The following NOX3 variants were observed in gnomAD, a reference collection of about 807,000 sequenced individuals.
NOX3 encodes the protein NADPH oxidase 3.
In NOX3, 74 loss-of-function variants were observed where a neutral mutation model predicts 76.7. The observed-to-expected ratio is 0.96, with a 90% CI of 0.80 to 1.17. The LOEUF is 1.17. Among genes scored for constraint, NOX3 ranks in the 50% most tolerant of loss-of-function variants. The pLI is 0.00. For synonymous variants in NOX3, 263 were observed against 261.1 expected, an observed-to-expected ratio of 1.01 and a Z score of -0.07; for missense variants, 695 against 703.3, an observed-to-expected ratio of 0.99 and a Z score of 0.13.
intron 11 of NOX3, among the ~76,000 whole-genome samples, chr6:155,410,575 A>G (rs1186271957): frequency 6.6e-6 from 1 of 152,208 alleles, no homozygotes; most frequent in East Asian, 1.9e-4. Context: ...CATAGTCAAT[A>G]TTTTGGTATA....
At chr6:155,407,684 T>G (rs1202283673) in intron 11 of NOX3, among the ~76,000 whole-genome samples, 1 of 152,192 alleles carries the variant, frequency 6.6e-6, no homozygotes, top group South Asian at 2.1e-4. Context: ...CATTGCCAGA[T>G]TAAAGTGGTA....
chr6:155,426,037 A>G (rs1486517331), intron 9 of NOX3, among the ~76,000 whole-genome samples: 1 of 152,228 alleles, frequency 6.6e-6, no homozygotes, highest in Non-Finnish European at 1.5e-5. Context: ...TGCTCTCCCC[A>G]ATATGATTTA....
chr6:155,443,244 G>A (rs774009233), intron 5 of NOX3, 29 bp downstream of exon 5: 152 of 1,599,538 alleles, frequency 9.5e-5, no homozygotes, highest in Non-Finnish European at 1.2e-4. Context: ...TTTTTCAGGG[G>A]AGAAGCTTGT....
intron 10 of NOX3, among the ~76,000 whole-genome samples, chr6:155,411,591 T>C (rs569107330): frequency 6.6e-6 from 1 of 152,328 alleles, no homozygotes; most frequent in Non-Finnish European, 1.5e-5. Context: ...CAGGAGCCTG[T>C]GGGCCGTGCC....
At chr6:155,423,743 C>CTTTTTTTTTTTTT (rs528445827) in intron 9 of NOX3, among the ~76,000 whole-genome samples, 1 of 137,542 alleles carries the variant, frequency 7.3e-6, no homozygotes. Flanking sequence ...TTTTCTTTTT[C>CTTTTTTTTTTTTT]TTTTTTTTTT....
chr6:155,400,713 A>G (rs1383585061), intron 12 of NOX3, among the ~76,000 whole-genome samples: 1 of 150,978 alleles, frequency 6.6e-6, no homozygotes, highest in African/African-American at 2.4e-5. Flanking sequence ...TCTGTGTCCT[A>G]ATTACTCAGT....
At position 155,396,826 on chromosome 6, in the gene NOX3, C is replaced by T. The variant is rs1446720540; in HGVS notation, c.*10G>A. The T allele has an allele frequency of 5.6e-6, 9 of 1,604,968 alleles. No homozygotes were observed. Among genetic ancestry groups the T allele is most frequent in the Non-Finnish European group, 7.7e-6 (9 of 1,175,366 alleles). ...CCACTTACACAATGCCTGGACTTGA[C>T]CTCCAAAGTCTAGAAGCTCTCCTTG... On this transcript the variant is annotated 3_prime_UTR_variant, in exon 13 of 14. Transcript: ENST00000159060.
At chr6:155,446,403 C>T (rs1777065413) in intron 4 of NOX3, among the ~76,000 whole-genome samples, 1 of 152,078 alleles carries the variant, frequency 6.6e-6, no homozygotes, top group Admixed American at 6.5e-5. Flanking sequence ...CGTCTCATAG[C>T]AAACATATTG....
intron 10 of NOX3, 100 bp from the exon 11 acceptor site, chr6:155,411,460 G>A (rs2114681144): frequency 9.0e-7 from 1 of 1,112,514 alleles, no homozygotes; most frequent in Non-Finnish European, 1.2e-6. Context: ...AGCCCAAATG[G>A]GCACTTCTGC....
chr6:155,410,122 AG>A (rs1776521725), intron 11 of NOX3, among the ~76,000 whole-genome samples: 1 of 152,240 alleles, frequency 6.6e-6, no homozygotes, highest in Non-Finnish European at 1.5e-5. Context: ...TAATTCATTA[AG>A]ATGTTTCAAG....
intron 11 of NOX3, among the ~76,000 whole-genome samples, chr6:155,409,842 C>A (rs922535376): frequency 6.6e-6 from 1 of 152,158 alleles, no homozygotes; most frequent in Admixed American, 6.5e-5. Flanking sequence ...ATAGCATATT[C>A]TTGGAAGTAG....
intron 12 of NOX3, among the ~76,000 whole-genome samples, chr6:155,405,173 T>C (rs769409511): frequency 5.9e-5 from 9 of 152,130 alleles, no homozygotes; most frequent in Non-Finnish European, 1.2e-4. Context: ...GACTGAGGCT[T>C]TGAAGGATGC....
intron 10 of NOX3, among the ~76,000 whole-genome samples, chr6:155,422,271 A>C (rs1048291204): frequency 6.6e-6 from 1 of 152,168 alleles, no homozygotes; most frequent in Non-Finnish European, 1.5e-5. Flanking sequence ...CGGCCAATAA[A>C]TCCCAATTGT....
Position 155,441,115 on chromosome 6 carries a change from A to T in NOX3, c.487-978T>A, listed in dbSNP as rs182840034. Among the ~76,000 whole-genome samples, 8 of 152,350 alleles carry T rather than the reference A, an allele frequency of 5.3e-5. No individual in the cohort carries two copies. In the East Asian group the frequency reaches 1.3e-3, roughly 26 times the overall value. The stretch of plus-strand genomic sequence containing the variant: ...CAGTAAAATAGCCTTTTAGAATAGC[A>T]TCACACAGCAGTTTATTTTCATTGT... On this transcript the variant is annotated intron_variant, in intron 5 of 13. Coordinates refer to ENST00000159060, the MANE Select transcript of NOX3 (RefSeq NM_015718.3).
rs775832421 is a variant in NOX3, at chr6:155,422,644, A to G, written c.1308+50T>C. ...GAATCGGCAGATGATAGATATAAGG[A>G]CATTGAACCTTTTAATCCATGGAAG... On this transcript the variant is annotated intron_variant, in intron 10 of 13. Coordinates refer to ENST00000159060, the MANE Select transcript of NOX3 (RefSeq NM_015718.3). 8.3e-6 allele frequency: 13 copies of G among 1,564,182 alleles called. No homozygotes were observed. In the East Asian group the frequency reaches 2.5e-4, roughly 30 times the overall value.
At chr6:155,429,144 G>A in intron 8 of NOX3, 97 bp from the exon 9 acceptor site, 3 of 1,232,344 alleles carry the variant, frequency 2.4e-6, no homozygotes, top group Non-Finnish European at 3.3e-6. Flanking sequence ...AGATCAGCTT[G>A]TTTCAGGTGT....
intron 10 of NOX3, among the ~76,000 whole-genome samples, chr6:155,421,345 A>G (rs1390817675): frequency 2.0e-5 from 3 of 152,190 alleles, no homozygotes; most frequent in Admixed American, 1.3e-4. Flanking sequence ...AAAAATTCAA[A>G]TGAGAAAATG....
At chr6:155,433,597 C>T (rs2114697902) in intron 7 of NOX3, among the ~76,000 whole-genome samples, 1 of 152,248 alleles carries the variant, frequency 6.6e-6, no homozygotes, top group Non-Finnish European at 1.5e-5. Context: ...AACACTTTGG[C>T]TTTATTCACA....
intron 12 of NOX3, among the ~76,000 whole-genome samples, chr6:155,398,246 T>A (rs1779165497): frequency 6.6e-6 from 1 of 152,168 alleles, no homozygotes; most frequent in South Asian, 2.1e-4. Context: ...AAGGAATGCA[T>A]GTTTAGTGAG....
Sources: allele counts gnomAD v4.1 joint callset (sites outside exome capture counted in the v4.1 genomes callset), GRCh38; gene constraint gnomAD v4.1.1; transcripts MANE v1.5; gene names NCBI Gene and HGNC (gene_info 2026-07-23, HGNC 2026-07-21).